DHX57: variants seen among roughly 807,000 people sequenced by gnomAD.
DHX57 encodes the protein DExH-box helicase 57, also known as putative ATP-dependent RNA helicase DHX57.
In DHX57, 105 loss-of-function variants were observed where a neutral mutation model predicts 156.2. The ratio of observed to expected loss-of-function variants is 0.67; its 90% CI spans 0.57 to 0.79. The LOEUF (loss-of-function observed/expected upper bound fraction) is 0.79. Among genes scored for constraint, DHX57 ranks in the 30% least tolerant of loss-of-function variants. The pLI is 0.00. For missense variants in DHX57, 1,847 were observed against 1,661.9 expected (o/e 1.11, Z -1.94); for synonymous variants, 704 against 595.6 (o/e 1.18, Z -2.65).
intron 21 of DHX57, chr2:38,811,516 C>T: frequency 2.1e-6 from 2 of 949,062 alleles, no homozygotes; most frequent in Non-Finnish European, 3.3e-6. Context: ...TTCTTCCTGG[C>T]TTCCTTGAAG....
Position 38,823,127 on chromosome 2 carries a change from T to A in DHX57, c.3157A>T (p.Thr1053Ser). ...LGALTPDERL[T>S]PLGYHLASLP... ...GAGGCCAAATGATACCCAAGAGGGG[T>A]CAATCTTTCATCTGGAGTTAATGCT... The change falls in exon 17 of 24, where the codon ACC becomes TCC. Residue 1053 changes from threonine (T) to serine (S), a missense_variant. Transcript: ENST00000457308. 1 of 1,614,078 alleles carries A rather than the reference T, an allele frequency of 6.2e-7. No homozygotes were observed. Among genetic ancestry groups the A allele is most frequent in the Non-Finnish European group, 8.5e-7 (1 of 1,180,020 alleles).
rs1279700749 is a variant in DHX57, at chr2:38,860,887, C to T, written c.1411+112G>A. 10 of 886,532 alleles carry T rather than the reference C, an allele frequency of 1.1e-5. No homozygotes were observed. In the East Asian group the frequency reaches 2.3e-4, roughly 21 times the overall value. 54.9% of individuals were successfully genotyped at this position (886,532 alleles called of 1,614,324 possible). A position where few individuals can be genotyped will look rare whatever the true frequency, so the allele number is the denominator to read the frequency against. On this transcript the variant is annotated intron_variant, in intron 5 of 23. Transcript: ENST00000457308. The stretch of plus-strand genomic sequence containing the variant: ...CCCTTTTGCCCTTGGGACTTAATGG[C>T]TTGTTCAGCTTGTTCAAGATCACTA...
chr2:38,819,465 C>A, intron 17 of DHX57, among the ~76,000 whole-genome samples: 1 of 152,216 alleles, frequency 6.6e-6, no homozygotes, highest in Admixed American at 6.5e-5. Context: ...CATGAGCCAC[C>A]ACACCAGGTC....
chr2:38,861,235 A>T lies in DHX57; in HGVS notation c.1175T>A (p.Phe392Tyr), dbSNP rs769366240. The T allele has an allele frequency of 1.2e-6, 2 of 1,614,182 alleles. No individual in the cohort carries two copies. Among genetic ancestry groups the T allele is most frequent in the Non-Finnish European group, 1.7e-6 (2 of 1,180,044 alleles). ...PLACRLHISE[F>Y]LYDKALTFAE... The stretch of plus-strand genomic sequence containing the variant: ...AAATGTCAAGGCCTTGTCATAAAGA[A>T]ACTCAGAAATATGTAAACGACAAGC... Residue 392 changes from phenylalanine (F) to tyrosine (Y), a missense_variant, in exon 5 of 24, where the codon TTT (phenylalanine) becomes TAT (tyrosine). Physicochemically the swap from Phe to Tyr is conservative, Grantham distance 22. Coordinates refer to ENST00000457308, the MANE Select transcript of DHX57 (RefSeq NM_198963.3).
intron 12 of DHX57, among the ~76,000 whole-genome samples, chr2:38,839,181 C>T (rs949717831): frequency 3.3e-5 from 5 of 151,832 alleles, no homozygotes; most frequent in Middle Eastern, 3.4e-3. Context: ...CCACCCGCCT[C>T]GGCCTCCCAA....
At chr2:38,799,416 C>G (rs1400257545) in intron 23 of DHX57, among the ~76,000 whole-genome samples, 1 of 141,444 alleles carries the variant, frequency 7.1e-6, no homozygotes, top group Non-Finnish European at 1.5e-5. Flanking sequence ...ACCGATCACT[C>G]CACTGCAGAC....
rs551036252 is a variant in DHX57 at position 38,854,854 on chromosome 2, G to A, written c.1905+203C>T. 3.7e-4 allele frequency: 176 copies of A among 479,206 alleles called. 1 individual carries two copies. The highest frequency in any genetic ancestry group is 2.6e-3 in the African/African-American group (132 of 51,130). 29.7% of individuals were successfully genotyped at this position (479,206 alleles called of 1,614,324 possible). On this transcript the variant is annotated intron_variant, in intron 8 of 23. Coordinates refer to ENST00000457308, the MANE Select transcript of DHX57 (RefSeq NM_198963.3). ...TGGGATTACAGGTGTGAGCCACCGC[G>A]CCTGGCCATAAGAGTTCTTATACCA...
rs767097504 is a variant in DHX57, at chr2:38,842,989, C to A, written c.2425+16G>T. 6 of 1,611,536 alleles carry A rather than the reference C, an allele frequency of 3.7e-6. No individual in the cohort carries two copies. Among genetic ancestry groups the A allele is most frequent in the Admixed American group, 1.7e-5 (1 of 59,998 alleles). On this transcript the variant is annotated intron_variant, in intron 12 of 23. Coordinates refer to ENST00000457308, the MANE Select transcript of DHX57 (RefSeq NM_198963.3). Reference sequence around the variant, plus strand: ...TCTTTGGCATAATTATAATATTCCCCCAAGAGGCATGTTACCTTTATAGCG... The same window carrying A: ...TCTTTGGCATAATTATAATATTCCCACAAGAGGCATGTTACCTTTATAGCG...
intron 8 of DHX57, 131 bp downstream of exon 8, chr2:38,854,926 G>C (rs1327127997): frequency 2.3e-6 from 2 of 853,926 alleles, no homozygotes; most frequent in Non-Finnish European, 3.8e-6. Flanking sequence ...GATTACCAAA[G>C]GTAATCATTA....
At chr2:38,849,421 G>C (rs2124897452) in intron 9 of DHX57, among the ~76,000 whole-genome samples, 1 of 152,196 alleles carries the variant, frequency 6.6e-6, no homozygotes, top group East Asian at 1.9e-4. Context: ...ATGTCAGTCT[G>C]ATTGTGCTGA....
chr2:38,850,428 GTT>G (rs1558392507), intron 9 of DHX57, among the ~76,000 whole-genome samples: 1 of 151,700 alleles, frequency 6.6e-6, no homozygotes. Context: ...TAATTTTTTT[GTT>G]TTTGTTTTTA....
At chr2:38,867,510 C>T (rs1365823644) in intron 2 of DHX57, among the ~76,000 whole-genome samples, 1 of 152,152 alleles carries the variant, frequency 6.6e-6, no homozygotes, top group African/African-American at 2.4e-5. Flanking sequence ...GGAAAATACA[C>T]AGCTCATCAA....
chr2:38,855,108 T>A lies in DHX57; in HGVS notation c.1854A>T (p.Ala618=). The A allele has an allele frequency of 6.2e-7, 1 of 1,614,126 alleles. No individual in the cohort carries two copies. The highest frequency in any genetic ancestry group is 8.5e-7 in the Non-Finnish European group (1 of 1,180,022). Residue 618 remains alanine (A), a synonymous_variant, in exon 8 of 24, where the codon GCA becomes GCT. Transcript: ENST00000457308. ...SVAERVAKER[A]ERVGLTVGYQ... is the part of the protein sequence containing the mutation. ...ATCCCACGGTCAGACCCACCCTCTCTGCTCTTTCTTTAGCAACGCGTTCAG... is the reference window on the plus strand; with the variant it reads ...ATCCCACGGTCAGACCCACCCTCTCAGCTCTTTCTTTAGCAACGCGTTCAG...
In DHX57 at chr2:38,858,796, G is replaced by A. The variant is rs779068043; in HGVS notation, c.1452C>T (p.Asp484=). ...ASESEESDED[D]GPAPVIVENE... is the part of the protein sequence containing the mutation. Reference sequence around the variant, plus strand: ...TCTCTACTATAACAGGTGCAGGACCGTCATCCTCATCTGACTCCTCAGATT... The same window carrying A: ...TCTCTACTATAACAGGTGCAGGACCATCATCCTCATCTGACTCCTCAGATT... The change falls in exon 6 of 24, where the codon GAC becomes GAT. Residue 484 remains aspartate (D), a synonymous_variant. Coordinates refer to ENST00000457308, the MANE Select transcript of DHX57 (RefSeq NM_198963.3). The A allele has an allele frequency of 6.2e-6, 10 of 1,612,550 alleles. No individual in the cohort carries two copies. Among genetic ancestry groups the A allele is most frequent in the Admixed American group, 1.7e-5 (1 of 59,650 alleles).
chr2:38,812,572 C>T (rs1005820189), intron 21 of DHX57, among the ~76,000 whole-genome samples: 2 of 152,198 alleles, frequency 1.3e-5, no homozygotes, highest in Non-Finnish European at 2.9e-5. Context: ...TCGCTCTAGT[C>T]GCCTAGGCTG....
intron 11 of DHX57, among the ~76,000 whole-genome samples, chr2:38,846,700 C>A (rs1166313453): frequency 1.3e-5 from 2 of 150,166 alleles, no homozygotes; most frequent in African/African-American, 4.9e-5. Context: ...GAGGGGAGAA[C>A]AAAATGTTCA....
chr2:38,804,993 A>G (rs1669872192), intron 22 of DHX57, among the ~76,000 whole-genome samples: 1 of 152,136 alleles, frequency 6.6e-6, no homozygotes, highest in South Asian at 2.1e-4. Context: ...GAGGGCAGAG[A>G]CTGTGTCCAT....
rs1217855187 is a variant in DHX57, at chr2:38,810,134, A to T, written c.3682-3441T>A. On this transcript the variant is annotated intron_variant, in intron 21 of 23. Coordinates refer to ENST00000457308, the MANE Select transcript of DHX57 (RefSeq NM_198963.3). Reference sequence around the variant, plus strand: ...GGTCTCAAACTCCTGACCTCAGGTGATCTGCCCACCTCGGTCTCCCAAAGT... The same window carrying T: ...GGTCTCAAACTCCTGACCTCAGGTGTTCTGCCCACCTCGGTCTCCCAAAGT... Among the ~76,000 whole-genome samples, 4 of 150,034 alleles carry T rather than the reference A, an allele frequency of 2.7e-5. No individual in the cohort carries two copies. In the East Asian group the frequency reaches 6.0e-4, roughly 22 times the overall value.
At chr2:38,835,463 T>C (rs1473651933) in intron 13 of DHX57, among the ~76,000 whole-genome samples, 1 of 152,204 alleles carries the variant, frequency 6.6e-6, no homozygotes, top group Non-Finnish European at 1.5e-5. Flanking sequence ...GCTTTGTCCC[T>C]GGAATCAGGA....
Sources: allele counts gnomAD v4.1 joint callset (sites outside exome capture counted in the v4.1 genomes callset), GRCh38; gene constraint gnomAD v4.1.1; transcripts MANE v1.5; gene names NCBI Gene and HGNC (gene_info 2026-07-23, HGNC 2026-07-21).